Variants in RTEL1 observed in about 807,000 individuals in gnomAD.
RTEL1 encodes regulator of telomere length.
Under a neutral mutation model 162.2 loss-of-function variants are expected in RTEL1, and 86 were observed. The observed-to-expected ratio is 0.53, with a 90% CI of 0.45 to 0.63. The LOEUF (loss-of-function observed/expected upper bound fraction) is 0.63, where lower values mean the gene tolerates loss of function less well. Among genes scored for constraint, RTEL1 ranks in the 30% least tolerant of loss-of-function variants. The pLI, the probability that RTEL1 is intolerant of heterozygous loss-of-function variation, is 0.00. For missense variants in RTEL1, 1,941 were observed against 1,750.2 expected, an observed-to-expected ratio of 1.11 and a Z score of -1.95; for synonymous variants, 958 against 717.9, an observed-to-expected ratio of 1.33 and a Z score of -5.35.
rs2090042067 is a variant in RTEL1 at position 63,662,555 on chromosome 20, G to A, written c.405G>A (p.Val135=). ...ELRNTSYRPK[V]CVLGSREQLC... is the part of the protein sequence containing the mutation. ...TGCTCTCTCCCACCAGGCCTAAGGT[G>A]TGTGTGCTGGGCTCCCGGGAGCAGC... Residue 135 remains valine (V), a synonymous_variant, in exon 5 of 35, where the codon GTG becomes GTA. Coordinates refer to ENST00000360203, the MANE Select transcript of RTEL1 (RefSeq NM_001283009.2). 2 of 1,613,994 alleles carry A rather than the reference G, an allele frequency of 1.2e-6. No homozygotes were observed. Among genetic ancestry groups the A allele is most frequent in the Admixed American group, 1.7e-5 (1 of 60,000 alleles).
intron 14 of RTEL1, among the ~76,000 whole-genome samples, chr20:63,683,544 G>A (rs1038531487): frequency 6.6e-6 from 1 of 152,208 alleles, no homozygotes; most frequent in African/African-American, 2.4e-5. Context: ...ACAAATCCAC[G>A]CATGTTGCCA....
chr20:63,685,777 C>T lies in RTEL1; in HGVS notation c.1267-14C>T. The T allele has an allele frequency of 1.2e-6, 2 of 1,610,428 alleles. No individual in the cohort carries two copies. Among genetic ancestry groups the T allele is most frequent in the South Asian group, 1.1e-5 (1 of 90,514 alleles). Reference sequence around the variant, plus strand: ...TGGGCGGGGCCTCCACACTCCTGGTCCTGTCCCCTCCAGGTGCACATCCAT... The same window carrying T: ...TGGGCGGGGCCTCCACACTCCTGGTTCTGTCCCCTCCAGGTGCACATCCAT... On this transcript the variant is annotated splice_polypyrimidine_tract_variant and intron_variant, in intron 15 of 34. Coordinates refer to ENST00000360203, the MANE Select transcript of RTEL1 (RefSeq NM_001283009.2).
chr20:63,690,690 C>T, intron 26 of RTEL1, 115 bp from the exon 27 acceptor site: 16 of 1,242,368 alleles, frequency 1.3e-5, no homozygotes, highest in Non-Finnish European at 1.6e-5. Context: ...AGGGAGGACA[C>T]CCACAGGCAG....
intron 9 of RTEL1, among the ~76,000 whole-genome samples, chr20:63,673,313 G>A (rs1422651937): frequency 1.3e-5 from 2 of 151,892 alleles, no homozygotes; most frequent in Non-Finnish European, 2.9e-5. Context: ...AGAATCACTC[G>A]AACCCAGGAG....
rs542495996 is a variant in RTEL1 at position 63,659,687 on chromosome 20, C to T, written c.102+183C>T. Among the ~76,000 whole-genome samples, 9 of 152,306 alleles carry T rather than the reference C, an allele frequency of 5.9e-5. No individual in the cohort carries two copies. The South Asian group carries it at 1.9e-3, about 32-fold the overall frequency. On this transcript the variant is annotated intron_variant, in intron 2 of 34. Coordinates refer to ENST00000360203, the MANE Select transcript of RTEL1 (RefSeq NM_001283009.2). ...GGATTGACAAGTAAAAACGATCGTC[C>T]TTTGAAGGGGGCCGGCCCCTCCACA...
chr20:63,680,638 G>A, intron 13 of RTEL1, 26 bp from the exon 14 acceptor site: 1 of 1,612,238 alleles, frequency 6.2e-7, no homozygotes, highest in Non-Finnish European at 8.5e-7. Flanking sequence ...CTGCAGTGTG[G>A]GTGTCAGCGC....
chr20:63,689,910 A>G, intron 24 of RTEL1, 45 bp downstream of exon 24: 1 of 1,564,704 alleles, frequency 6.4e-7, no homozygotes, highest in Non-Finnish European at 8.7e-7. Flanking sequence ...GGACACGCCC[A>G]CACCCCACTG....
chr20:63,669,178 A>G (rs1047701098), intron 8 of RTEL1, among the ~76,000 whole-genome samples: 4 of 152,192 alleles, frequency 2.6e-5, no homozygotes, highest in African/African-American at 4.8e-5. Context: ...AAACATGCCA[A>G]TTTAATTGAG....
rs1278233275 is a variant in RTEL1, at chr20:63,694,394, G to A, written c.3015G>A (p.Lys1005=). ...DPTGRTAPDP[K]LTVSTAAAQQ... ...CAGGAAGAACGGCGCCGGATCCCAA[G>A]CTGACCGTGTCCACGGCTGCAGCCC... Residue 1005 remains lysine (K), a synonymous_variant, in exon 31 of 35, where the codon AAG becomes AAA. Transcript: ENST00000360203. 2 of 1,603,052 alleles carry A rather than the reference G, an allele frequency of 1.2e-6. No homozygotes were observed. The highest frequency in any genetic ancestry group is 1.1e-5 in the South Asian group (1 of 90,904).
At chr20:63,683,991 T>G (rs934327010) in intron 14 of RTEL1, among the ~76,000 whole-genome samples, 2 of 146,036 alleles carry the variant, frequency 1.4e-5, no homozygotes, top group African/African-American at 5.1e-5. Context: ...TCTTTCCTTG[T>G]CTCATGCTGG....
Position 63,659,389 on chromosome 20 carries a change from G to A in RTEL1, c.-14G>A, listed in dbSNP as rs373760953. The stretch of plus-strand genomic sequence containing the variant: ...CCTCAGCCACGCTCTGTGCCCTTCT[G>A]AGAACAGGCTGATATGCCCAAGATA... On this transcript the variant is annotated 5_prime_UTR_variant, in exon 2 of 35. Coordinates refer to ENST00000360203, the MANE Select transcript of RTEL1 (RefSeq NM_001283009.2). 406 of 1,606,630 alleles carry A rather than the reference G, an allele frequency of 2.5e-4. No homozygotes were observed. The highest frequency in any genetic ancestry group is 3.3e-4 in the Non-Finnish European group (382 of 1,173,338).
At chr20:63,688,821 C>G (rs2090656151) in intron 21 of RTEL1, 1 of 632,984 alleles carries the variant, frequency 1.6e-6, no homozygotes, top group Non-Finnish European at 2.7e-6. Context: ...GCCCTCCTGT[C>G]TGAGTAGCCC....
At chr20:63,676,223 T>C (rs956829877) in intron 10 of RTEL1, among the ~76,000 whole-genome samples, 2 of 152,180 alleles carry the variant, frequency 1.3e-5, no homozygotes, top group African/African-American at 2.4e-5. Flanking sequence ...CTCCTGGGAC[T>C]ACAGGCGTGT....
At chr20:63,675,625 C>G (rs921599146) in intron 10 of RTEL1, among the ~76,000 whole-genome samples, 10 of 151,996 alleles carry the variant, frequency 6.6e-5, no homozygotes, top group Non-Finnish European at 1.3e-4. Flanking sequence ...GGGATCTTCC[C>G]GTCTCAGCGT....
At chr20:63,659,779 A>G (rs1046217950) in intron 2 of RTEL1, among the ~76,000 whole-genome samples, 1 of 149,998 alleles carries the variant, frequency 6.7e-6, no homozygotes, top group Non-Finnish European at 1.5e-5. Flanking sequence ...GAGACAAAGT[A>G]TAGAGAGAAA....
At chr20:63,671,566 C>T (rs1460746123) in intron 8 of RTEL1, among the ~76,000 whole-genome samples, 1 of 151,728 alleles carries the variant, frequency 6.6e-6, no homozygotes, top group Non-Finnish European at 1.5e-5. Flanking sequence ...ACTGCAAGCT[C>T]TGCCTCCTGG....
At position 63,695,872 on chromosome 20, in the gene RTEL1, C is replaced by G; in HGVS notation, c.*14C>G. ...GAGCCCCAGTGAGTGCCCACGGAGG[C>G]CCCCAGCACACCCAACGTGGCTTGA... On this transcript the variant is annotated 3_prime_UTR_variant, in exon 35 of 35. Transcript: ENST00000360203. 1.3e-6 allele frequency: 2 copies of G among 1,569,602 alleles called. No homozygotes were observed.
chr20:63,672,220 G>T (rs532982804), intron 8 of RTEL1, among the ~76,000 whole-genome samples: 9 of 152,206 alleles, frequency 5.9e-5, no homozygotes, highest in Non-Finnish European at 8.8e-5. Context: ...TGGGGCTGGG[G>T]CAGGGAACTG....
At chr20:63,664,594 G>C (rs12480876) in intron 6 of RTEL1, among the ~76,000 whole-genome samples, 12,843 of 152,274 alleles carry the variant, frequency 0.084, 602 homozygotes, top group African/African-American at 0.11. Context: ...GCCAGCCCCT[G>C]CCTGTCCCCC....
Sources: gnomAD v4.1 joint callset for allele counts (sites outside exome capture counted in the v4.1 genomes callset) on GRCh38, gnomAD v4.1.1 for gene constraint, MANE v1.5 for transcripts, NCBI Gene and HGNC (gene_info 2026-07-23, HGNC 2026-07-21) for gene names.